Variants in DYNC1I1 observed in about 807,000 individuals in gnomAD.
DYNC1I1 encodes the protein dynein cytoplasmic 1 intermediate chain 1.
DYNC1I1 carries 43 observed loss-of-function variants against 86.6 expected under a neutral mutation model. The observed-to-expected ratio is 0.50, with a 90% CI of 0.39 to 0.64. DYNC1I1 has a LOEUF of 0.64. DYNC1I1 is among the 30% of genes least tolerant of loss of function. The pLI is 0.00. For synonymous variants in DYNC1I1, 262 were observed against 283.7 expected, an observed-to-expected ratio of 0.92 and a Z score of 0.77; for missense variants, 604 against 788.8, an observed-to-expected ratio of 0.77 and a Z score of 2.81.
intron 5 of DYNC1I1, among the ~76,000 whole-genome samples, chr7:95,844,267 C>T (rs780922722): frequency 6.6e-6 from 1 of 152,148 alleles, no homozygotes. Flanking sequence ...GTATATCAAA[C>T]TCTTGATAGA....
chr7:95,893,720 T>G lies in DYNC1I1; in HGVS notation c.490+23722T>G, dbSNP rs1427333418. On this transcript the variant is annotated intron_variant, in intron 6 of 16. Transcript: ENST00000447467. ...TAGAGATCTAGGAAATACTGAGGAA[T>G]AATGCAGCCAGACTCAAAAGGTTTG... Among the ~76,000 whole-genome samples the G allele has an allele frequency of 2.0e-5, 3 of 152,158 alleles. No homozygotes were observed. In the East Asian group the frequency reaches 5.8e-4, roughly 29 times the overall value.
chr7:95,852,347 TATA>T (rs1180079098), intron 5 of DYNC1I1, among the ~76,000 whole-genome samples: 6 of 151,986 alleles, frequency 3.9e-5, no homozygotes, highest in African/African-American at 1.4e-4. Context: ...TTTTACCAGT[TATA>T]ATATCTTCTT....
At chr7:95,922,745 C>T (rs961683136) in intron 6 of DYNC1I1, among the ~76,000 whole-genome samples, 4 of 152,006 alleles carry the variant, frequency 2.6e-5, no homozygotes, top group African/African-American at 9.7e-5. Flanking sequence ...CCGGTCAAAC[C>T]AGGACTCCAG....
chr7:95,806,971 G>C lies in DYNC1I1; in HGVS notation c.108+2134G>C, dbSNP rs539986920. Among the ~76,000 whole-genome samples the C allele has an allele frequency of 2.6e-5, 4 of 152,252 alleles. No homozygotes were observed. In the South Asian group the frequency reaches 6.2e-4, roughly 24 times the overall value. On this transcript the variant is annotated intron_variant, in intron 2 of 16. Coordinates refer to ENST00000447467, the MANE Select transcript of DYNC1I1 (RefSeq NM_001135556.2). ...CCCTTCACAGAATGGCCCTGAGTGG[G>C]TATGGGTCCTCTCTAAACCTGTTTC...
chr7:95,927,542 A>G (rs767096512), intron 6 of DYNC1I1, among the ~76,000 whole-genome samples: 10 of 152,140 alleles, frequency 6.6e-5, no homozygotes, highest in Admixed American at 4.6e-4. Context: ...ATTGAGCTTG[A>G]TAACTGTTCT....
intron 14 of DYNC1I1, among the ~76,000 whole-genome samples, chr7:96,072,753 C>T (rs1012433511): frequency 6.6e-6 from 1 of 152,086 alleles, no homozygotes; most frequent in Non-Finnish European, 1.5e-5. Flanking sequence ...TCTTTAGAAC[C>T]TCATGCTTTT....
chr7:96,073,244 G>C (rs1790220799), intron 14 of DYNC1I1, among the ~76,000 whole-genome samples: 1 of 152,114 alleles, frequency 6.6e-6, no homozygotes, highest in Non-Finnish European at 1.5e-5. Context: ...GCTCAGTCTT[G>C]GGGTGAAGGG....
intron 1 of DYNC1I1, among the ~76,000 whole-genome samples, chr7:95,781,927 G>A (rs148669195): frequency 6.6e-6 from 1 of 152,284 alleles, no homozygotes; most frequent in East Asian, 1.9e-4. Context: ...GAGTGAATTT[G>A]ATCAGGCTAG....
chr7:95,947,776 G>A (rs117470439), intron 6 of DYNC1I1, among the ~76,000 whole-genome samples: 1,802 of 152,262 alleles, frequency 0.012, 14 homozygotes, highest in Non-Finnish European at 0.02. Flanking sequence ...GGATCAGAGT[G>A]GGTGTTTGCC....
At chr7:95,895,230 A>G (rs1189992547) in intron 6 of DYNC1I1, among the ~76,000 whole-genome samples, 2 of 152,158 alleles carry the variant, frequency 1.3e-5, no homozygotes, top group Admixed American at 1.3e-4. Flanking sequence ...ACATGTCACA[A>G]TCCGATGGAG....
intron 1 of DYNC1I1, among the ~76,000 whole-genome samples, chr7:95,790,800 A>C (rs1020406924): frequency 6.6e-6 from 1 of 152,214 alleles, no homozygotes; most frequent in African/African-American, 2.4e-5. Flanking sequence ...TGTGCTGTGG[A>C]GAATTTGGGT....
chr7:95,880,190 T>C (rs1790415117), intron 6 of DYNC1I1, among the ~76,000 whole-genome samples: 1 of 152,172 alleles, frequency 6.6e-6, no homozygotes, highest in Non-Finnish European at 1.5e-5. Context: ...GACACCTTGG[T>C]ACATTGCCTG....
At chr7:96,089,714 AT>A (rs972943382) in intron 16 of DYNC1I1, among the ~76,000 whole-genome samples, 2 of 152,108 alleles carry the variant, frequency 1.3e-5, no homozygotes, top group Non-Finnish European at 2.9e-5. Context: ...CACTATAGAT[AT>A]GGTAAATCAT....
intron 5 of DYNC1I1, 114 bp downstream of exon 5, chr7:95,828,230 A>G: frequency 4.2e-6 from 5 of 1,195,242 alleles, no homozygotes; most frequent in Non-Finnish European, 6.2e-6. Flanking sequence ...TTCCAGTTTG[A>G]TAAGTTCGTT....
chr7:95,839,515 G>A (rs1789218511), intron 5 of DYNC1I1, among the ~76,000 whole-genome samples: 1 of 152,116 alleles, frequency 6.6e-6, no homozygotes, highest in Non-Finnish European at 1.5e-5. Context: ...TGTTTAGAAT[G>A]TGTGTCCATT....
chr7:95,869,597 A>T (rs1263423990), intron 5 of DYNC1I1, among the ~76,000 whole-genome samples: 1 of 152,076 alleles, frequency 6.6e-6, no homozygotes, highest in East Asian at 1.9e-4. Context: ...AGAATCTGGG[A>T]TGCTCAGAAT....
intron 10 of DYNC1I1, among the ~76,000 whole-genome samples, chr7:96,016,672 T>A (rs1047100389): frequency 6.6e-6 from 1 of 152,140 alleles, no homozygotes; most frequent in Admixed American, 6.5e-5. Context: ...CTGTAGCTGA[T>A]GAACGTTATT....
chr7:96,095,288 C>T (rs1023581305), intron 16 of DYNC1I1, among the ~76,000 whole-genome samples: 1 of 152,112 alleles, frequency 6.6e-6, no homozygotes, highest in Non-Finnish European at 1.5e-5. Flanking sequence ...ATAATCTTTA[C>T]TAGGGCCGTT....
chr7:95,861,009 G>C (rs1461497050), intron 5 of DYNC1I1, among the ~76,000 whole-genome samples: 1 of 152,078 alleles, frequency 6.6e-6, no homozygotes, highest in African/African-American at 2.4e-5. Context: ...TCACACCATA[G>C]CAACATCTGT....
Sources: gnomAD v4.1 joint callset for allele counts (sites outside exome capture counted in the v4.1 genomes callset) on GRCh38, gnomAD v4.1.1 for gene constraint, MANE v1.5 for transcripts, NCBI Gene and HGNC (gene_info 2026-07-23, HGNC 2026-07-21) for gene names.